The following RPTOR variants were observed in gnomAD, a reference collection of about 807,000 sequenced individuals.
RPTOR encodes regulatory associated protein of MTOR complex 1.
Under a neutral mutation model 169.9 loss-of-function variants are expected in RPTOR, and 21 were observed. The observed-to-expected ratio is 0.12, with a 90% CI of 0.09 to 0.18. RPTOR has a LOEUF of 0.18. Ranked by LOEUF, RPTOR falls within the 10% of genes least tolerant of loss-of-function variation. The probability of loss-of-function intolerance (pLI) is 1.00; values close to 1 mark genes in which losing one functional copy is unlikely to be tolerated. For missense variants in RPTOR, 1,133 were observed against 1,855.9 expected, an observed-to-expected ratio of 0.61 and a Z score of 7.16; for synonymous variants, 732 against 753.2, an observed-to-expected ratio of 0.97 and a Z score of 0.46.
chr17:80,753,005 C>T (rs1173676087), intron 5 of RPTOR, among the ~76,000 whole-genome samples: 1 of 152,112 alleles, frequency 6.6e-6, no homozygotes, highest in East Asian at 1.9e-4. Context: ...TAAATACCAA[C>T]CGGCATTACT....
chr17:80,708,790 T>C lies in RPTOR; in HGVS notation c.507+791T>C. The stretch of plus-strand genomic sequence containing the variant: ...CTGCGTGATGCATGAAAAGCAGTTC[T>C]TGGAGGGTGCGGTGGCCCCATATGT... On this transcript the variant is annotated intron_variant, in intron 4 of 33. Transcript: ENST00000306801. The surrounding 1 kb of genome is among the most constrained non-coding windows in gnomAD (Gnocchi z 4.2). 3.8e-6 allele frequency: 1 copy of C among 260,818 alleles called. No individual in the cohort carries two copies. Among genetic ancestry groups the C allele is most frequent in the Non-Finnish European group, 6.0e-6 (1 of 167,260 alleles). 16.2% of individuals were successfully genotyped at this position (260,818 alleles called of 1,614,324 possible).
At chr17:80,714,138 A>T (rs950947430) in intron 4 of RPTOR, among the ~76,000 whole-genome samples, 1 of 152,048 alleles carries the variant, frequency 6.6e-6, no homozygotes, top group Non-Finnish European at 1.5e-5. Context: ...ATGGGGTTTC[A>T]CCATGTTGAC....
Position 80,945,516 on chromosome 17 carries a change from T to C in RPTOR, c.3026-151T>C, listed in dbSNP as rs555412024. 533 of 485,496 alleles carry C rather than the reference T, an allele frequency of 1.1e-3. 2 individuals are homozygous for C. The Middle Eastern group carries it at 0.015, about 14-fold the overall frequency. The allele number at this position is 485,496 out of a possible 1,614,324, so 30.1% of individuals were successfully genotyped here. On this transcript the variant is annotated intron_variant, in intron 25 of 33. Coordinates refer to ENST00000306801, the MANE Select transcript of RPTOR (RefSeq NM_020761.3). Reference sequence around the variant, plus strand: ...CTGAGGCAGGAGAATGGTGTGAACCTGGGAGGCGGAGCTTGCAGTGAGCCA... The same window carrying C: ...CTGAGGCAGGAGAATGGTGTGAACCCGGGAGGCGGAGCTTGCAGTGAGCCA...
chr17:80,672,354 T>C (rs1043583575), intron 3 of RPTOR, among the ~76,000 whole-genome samples: 3 of 145,162 alleles, frequency 2.1e-5, no homozygotes. Context: ...TTTACTTTGC[T>C]GTGCAAAGGT....
Position 80,922,837 on chromosome 17 carries a change from G to T in RPTOR, c.2624+10G>T. The T allele has an allele frequency of 1.3e-6, 2 of 1,546,532 alleles. No homozygotes were observed. The highest frequency in any genetic ancestry group is 2.4e-5 in the East Asian group (1 of 41,224). ...ACATCCACCAGGCGGGGTAAGTGCC[G>T]CCCGCTCAGCCTGCAGGTCCGTGGT... is the stretch of plus-strand genomic sequence containing the variant. On this transcript the variant is annotated intron_variant, in intron 22 of 33. Transcript: ENST00000306801.
rs957988358 is a variant in RPTOR, at chr17:80,642,680, C to T, written c.266-1048C>T. Among the ~76,000 whole-genome samples the T allele has an allele frequency of 8.5e-5, 13 of 152,198 alleles. No individual in the cohort carries two copies. The East Asian group carries it at 9.6e-4, about 11-fold the overall frequency. On this transcript the variant is annotated intron_variant, in intron 2 of 33. Transcript: ENST00000306801. ...TTCGTTGATGTGGTTTCAGATACTA[C>T]ATCTCATATAATCTGAAGGAAATTA...
At chr17:80,788,901 G>C (rs2067020001) in intron 6 of RPTOR, among the ~76,000 whole-genome samples, 1 of 152,178 alleles carries the variant, frequency 6.6e-6, no homozygotes, top group African/African-American at 2.4e-5. Context: ...TGATGTAGGT[G>C]AATGAAAGAA....
intron 5 of RPTOR, among the ~76,000 whole-genome samples, chr17:80,738,804 C>G (rs1192880766): frequency 6.6e-6 from 1 of 152,152 alleles, no homozygotes; most frequent in East Asian, 1.9e-4. Context: ...GAATAAACTA[C>G]CTTTAGTTGT....
At chr17:80,744,253 TCCTGGCTACTAGCACAGC>T (rs1353521847) in intron 5 of RPTOR, among the ~76,000 whole-genome samples, 2 of 41,982 alleles carry the variant, frequency 4.8e-5, no homozygotes, top group Non-Finnish European at 9.9e-5. Flanking sequence ...ACTAGCACTG[TCCTGGCTACTAGCACAGC>T]CCTGGTTACT....
intron 1 of RPTOR, chr17:80,602,626 T>G (rs1402419951): frequency 3.1e-6 from 2 of 653,754 alleles, no homozygotes; most frequent in African/African-American, 3.6e-5. Context: ...GTATAGAACT[T>G]ATTTGGTGAA....
At chr17:80,863,384 C>T (rs1381546814) in intron 13 of RPTOR, among the ~76,000 whole-genome samples, 1 of 152,134 alleles carries the variant, frequency 6.6e-6, no homozygotes, top group African/African-American at 2.4e-5. Flanking sequence ...AAAATATGAC[C>T]CGTAATGAAG....
intron 19 of RPTOR, 56 bp downstream of exon 19, chr17:80,892,925 G>A: frequency 6.3e-7 from 1 of 1,584,072 alleles, no homozygotes; most frequent in South Asian, 1.1e-5. Flanking sequence ...TGTTTTTTCT[G>A]AAACACTGTA....
chr17:80,943,102 G>A (rs548741492), intron 25 of RPTOR, among the ~76,000 whole-genome samples: 14 of 152,304 alleles, frequency 9.2e-5, no homozygotes, highest in African/African-American at 2.6e-4. Context: ...TAGCTCACCC[G>A]AGGTGCCGAG....
intron 28 of RPTOR, among the ~76,000 whole-genome samples, chr17:80,952,719 A>T (rs553926501): frequency 6.6e-6 from 1 of 151,766 alleles, no homozygotes; most frequent in South Asian, 2.1e-4. Context: ...GTTCTTCCCG[A>T]CCCAAGGTGT....
intron 6 of RPTOR, among the ~76,000 whole-genome samples, chr17:80,764,167 TTTATTTTA>T (rs1430607499): frequency 1.6e-5 from 2 of 122,072 alleles, no homozygotes; most frequent in African/African-American, 6.8e-5. Context: ...TTTATTTTAT[TTTATTTTA>T]TTATTATACT....
chr17:80,822,979 C>G, intron 8 of RPTOR, 100 bp from the exon 9 acceptor site: 2 of 1,378,178 alleles, frequency 1.5e-6, no homozygotes, highest in Non-Finnish European at 2.0e-6. Flanking sequence ...ATATTAGTCC[C>G]AACTTTAGTA....
At position 80,746,033 on chromosome 17, in the gene RPTOR, A is replaced by G. The variant is rs776521490; in HGVS notation, c.655-7977A>G. ...TAAAATTATCCAGACGTGGTGGCGC[A>G]TACCTGTAATCCCAGCTACTTGAGA... On this transcript the variant is annotated intron_variant, in intron 5 of 33. Transcript: ENST00000306801. The surrounding 1 kb of genome is among the most constrained non-coding windows in gnomAD (Gnocchi z 4.5). 6.6e-6 allele frequency among the ~76,000 whole-genome samples: 1 copy of G among 152,136 alleles called. No homozygotes were observed. Among genetic ancestry groups the G allele is most frequent in the Non-Finnish European group, 1.5e-5 (1 of 68,006 alleles).
intron 3 of RPTOR, among the ~76,000 whole-genome samples, chr17:80,705,714 A>T (rs2066137309): frequency 6.6e-6 from 1 of 151,888 alleles, no homozygotes; most frequent in Non-Finnish European, 1.5e-5. Flanking sequence ...TTTATTTTTC[A>T]GTAGAGACGA....
rs1057176114 is a variant in RPTOR at position 80,803,411 on chromosome 17, T to C, written c.890+11902T>C. 2.0e-5 allele frequency: 3 copies of C among 152,842 alleles called. No individual in the cohort carries two copies. The highest frequency in any genetic ancestry group is 4.4e-5 in the Non-Finnish European group (3 of 68,572). The allele number at this position is 152,842 out of a possible 1,614,324, so 9.5% of individuals were successfully genotyped here. ...TGCTGTGTCTGCCCCCAGCCGCCGC[T>C]GCTGGCTTCTCAGTTTGCTGCTCCG... On this transcript the variant is annotated intron_variant, in intron 7 of 33. Coordinates refer to ENST00000306801, the MANE Select transcript of RPTOR (RefSeq NM_020761.3). This position sits in a 1 kb window ranked among gnomAD's most constrained non-coding sequence, Gnocchi z 6.2.
Sources: gnomAD v4.1 joint callset for allele counts (sites outside exome capture counted in the v4.1 genomes callset) on GRCh38, gnomAD v4.1.1 for gene constraint, Gnocchi (gnomAD v3.1) non-coding constraint, MANE v1.5 for transcripts, NCBI Gene and HGNC (gene_info 2026-07-23, HGNC 2026-07-21) for gene names.